Variants in STIMATE observed in about 807,000 individuals in gnomAD.
STIMATE encodes STIM activating enhancer.
STIMATE carries 15 observed loss-of-function variants against 36.7 expected under a neutral mutation model. That is an observed-to-expected ratio of 0.41 (90% CI 0.27 to 0.63). The LOEUF (loss-of-function observed/expected upper bound fraction) is 0.63. STIMATE is among the 20% of genes least tolerant of loss of function. The probability of loss-of-function intolerance (pLI) is 0.32; values close to 1 mark genes in which losing one functional copy is unlikely to be tolerated. For synonymous variants in STIMATE, 163 were observed against 162.3 expected (o/e 1.00, Z -0.03); for missense variants, 305 against 397.3 (o/e 0.77, Z 1.98).
chr3:52,843,604 T>C (rs1247417287), intron 6 of STIMATE, 117 bp downstream of exon 6: 1 of 1,465,698 alleles, frequency 6.8e-7, no homozygotes. Flanking sequence ...AGGTGGCAAA[T>C]GGTCACGCAA....
In STIMATE at chr3:52,865,847, A is replaced by G. The variant is rs558993047; in HGVS notation, c.161-10403T>C. 3.9e-5 allele frequency among the ~76,000 whole-genome samples: 6 copies of G among 152,212 alleles called. No homozygotes were observed. The East Asian group carries it at 1.2e-3, about 29-fold the overall frequency. ...TCCCCAAGACCTTACATATCCTTTC[A>G]AAGACATGCTGGACAACCACACAGA... is the stretch of plus-strand genomic sequence containing the variant. On this transcript the variant is annotated intron_variant, in intron 1 of 7. Coordinates refer to ENST00000355083, the MANE Select transcript of STIMATE (RefSeq NM_198563.5).
chr3:52,893,046 G>GAA (rs34833389), intron 1 of STIMATE, among the ~76,000 whole-genome samples: 56 of 134,546 alleles, frequency 4.2e-4, no homozygotes, highest in African/African-American at 6.3e-4. Flanking sequence ...CAGAAACATT[G>GAA]AAAAAAAAAA....
At chr3:52,872,766 C>CA (rs1383536408) in intron 1 of STIMATE, among the ~76,000 whole-genome samples, 6 of 152,192 alleles carry the variant, frequency 3.9e-5, no homozygotes, top group Admixed American at 2.6e-4. Context: ...GCTGGGATTA[C>CA]AGGCATGCAC....
chr3:52,842,452 T>C (rs1700813657), intron 7 of STIMATE, among the ~76,000 whole-genome samples: 1 of 152,236 alleles, frequency 6.6e-6, no homozygotes, highest in African/African-American at 2.4e-5. Flanking sequence ...GAGATTCAAA[T>C]ATCCTAATGC....
chr3:52,840,838 C>A (rs1700785575), intron 7 of STIMATE, among the ~76,000 whole-genome samples: 1 of 152,044 alleles, frequency 6.6e-6, no homozygotes, highest in Admixed American at 6.6e-5. Context: ...TAGCTGATTA[C>A]AGGTGCGTGG....
chr3:52,858,023 T>G (rs935198767), intron 1 of STIMATE, among the ~76,000 whole-genome samples: 1 of 152,144 alleles, frequency 6.6e-6, no homozygotes, highest in African/African-American at 2.4e-5. Flanking sequence ...GCAAGAACAC[T>G]GAGAAGAGCG....
intron 1 of STIMATE, among the ~76,000 whole-genome samples, chr3:52,882,821 G>A (rs569381645): frequency 3.2e-4 from 48 of 152,288 alleles, no homozygotes; most frequent in African/African-American, 1.2e-3. Flanking sequence ...GTATGAAGAA[G>A]GGCTTAGGAC....
intron 1 of STIMATE, among the ~76,000 whole-genome samples, chr3:52,883,770 C>T (rs1701648071): frequency 6.6e-6 from 1 of 151,950 alleles, no homozygotes; most frequent in African/African-American, 2.4e-5. Flanking sequence ...TCTAGAAGTT[C>T]CATTTGCTTT....
chr3:52,861,661 G>A (rs1701217895), intron 1 of STIMATE, among the ~76,000 whole-genome samples: 2 of 152,166 alleles, frequency 1.3e-5, no homozygotes, highest in Non-Finnish European at 2.9e-5. Flanking sequence ...GCCTCACTGT[G>A]GAGTCCCCAC....
intron 4 of STIMATE, 57 bp downstream of exon 4, chr3:52,849,735 G>GGA: frequency 1.3e-6 from 2 of 1,569,118 alleles, no homozygotes; most frequent in Non-Finnish European, 1.7e-6. Flanking sequence ...CATGGGGCAA[G>GGA]GAGCAGAGAC....
chr3:52,855,119 G>A (rs1243460814), intron 2 of STIMATE, among the ~76,000 whole-genome samples: 2 of 152,128 alleles, frequency 1.3e-5, no homozygotes, highest in Non-Finnish European at 1.5e-5. Flanking sequence ...GCCAGCATCG[G>A]GGACTGATGT....
Position 52,896,289 on chromosome 3 carries a change from C to G in STIMATE, c.160+1002G>C, listed in dbSNP as rs117834578. On this transcript the variant is annotated intron_variant, in intron 1 of 7. Transcript: ENST00000355083. ...ACTCTCCACTCTGTCCACACAAGCA[C>G]AGTGGGGAAGTTTTGAGAACAAGTC... Among the ~76,000 whole-genome samples the G allele has an allele frequency of 2.9e-4, 44 of 152,338 alleles. No homozygotes were observed. The East Asian group carries it at 4.0e-3, about 14-fold the overall frequency.
At chr3:52,849,989 G>C in intron 3 of STIMATE, 76 bp from the exon 4 acceptor site, 1 of 1,530,072 alleles carries the variant, frequency 6.5e-7, no homozygotes, top group Non-Finnish European at 8.8e-7. Flanking sequence ...AGGGTGGCCT[G>C]AGGGAAGCGG....
Position 52,881,317 on chromosome 3 carries a change from C to T in STIMATE, c.160+15974G>A, listed in dbSNP as rs190240665. Among the ~76,000 whole-genome samples, 21 of 152,070 alleles carry T rather than the reference C, an allele frequency of 1.4e-4. 1 individual carries two copies. Among genetic ancestry groups the T allele is most frequent in the South Asian group, 4.2e-4 (2 of 4,816 alleles). On this transcript the variant is annotated intron_variant, in intron 1 of 7. Coordinates refer to ENST00000355083, the MANE Select transcript of STIMATE (RefSeq NM_198563.5). ...TGGAAAAAAAAAGAATATGACAAACCGCCTCTCTGAAATCCTTAAGACTGA... is the reference window on the plus strand; with the variant it reads ...TGGAAAAAAAAAGAATATGACAAACTGCCTCTCTGAAATCCTTAAGACTGA...
intron 1 of STIMATE, among the ~76,000 whole-genome samples, chr3:52,875,360 T>G (rs530992775): frequency 6.6e-6 from 1 of 152,254 alleles, no homozygotes; most frequent in African/African-American, 2.4e-5. Flanking sequence ...AGGTAACACG[T>G]GTAGCCCCTG....
chr3:52,882,248 A>G (rs555847788), intron 1 of STIMATE, among the ~76,000 whole-genome samples: 3 of 152,370 alleles, frequency 2.0e-5, no homozygotes, highest in Admixed American at 1.3e-4. Flanking sequence ...CAAGGGACCC[A>G]GCAGGGAGGA....
intron 4 of STIMATE, chr3:52,847,251 G>T (rs1700923993): frequency 8.6e-7 from 1 of 1,167,654 alleles, no homozygotes; most frequent in Admixed American, 3.9e-5. Context: ...ACAACCTCAG[G>T]CATGTGGGTG....
chr3:52,844,043 T>A (rs1700853450), intron 5 of STIMATE, among the ~76,000 whole-genome samples: 1 of 152,182 alleles, frequency 6.6e-6, no homozygotes, highest in African/African-American at 2.4e-5. Flanking sequence ...CAAAGTGCAG[T>A]GGGCTTACAG....
chr3:52,847,143 C>G (rs544960693), intron 4 of STIMATE: 1 of 835,946 alleles, frequency 1.2e-6, no homozygotes, highest in Non-Finnish European at 1.5e-6. Flanking sequence ...CTCCTGGGCT[C>G]AAGCGATCCT....
Sources: allele counts gnomAD v4.1 joint callset (sites outside exome capture counted in the v4.1 genomes callset), GRCh38; gene constraint gnomAD v4.1.1; transcripts MANE v1.5; gene names NCBI Gene and HGNC (gene_info 2026-07-23, HGNC 2026-07-21).